APOL3: variants seen among roughly 807,000 people sequenced by gnomAD.
APOL3 encodes the protein apolipoprotein L3.
Under a neutral mutation model 11.6 loss-of-function variants are expected in APOL3, and 14 were observed. The observed-to-expected ratio is 1.21, with a 90% CI of 0.80 to 1.89. The LOEUF is 1.89. Ranked by LOEUF, APOL3 falls within the 40% of genes most tolerant of loss-of-function variation. The probability of loss-of-function intolerance (pLI) is 0.00; values close to 1 mark genes in which losing one functional copy is unlikely to be tolerated. For synonymous variants in APOL3, 192 were observed against 190.6 expected, an observed-to-expected ratio of 1.01 and a Z score of -0.06; for missense variants, 483 against 492.1, an observed-to-expected ratio of 0.98 and a Z score of 0.17.
chr22:36,163,971 G>A (rs1224564604), upstream of APOL3, among the ~76,000 whole-genome samples: 2 of 152,164 alleles, frequency 1.3e-5, no homozygotes, highest in African/African-American at 2.4e-5. Context: ...GATTGTTATA[G>A]TTATTCTCAT....
chr22:36,154,578 C>T (rs1355193488), intron 1 of APOL3: 2 of 469,968 alleles, frequency 4.3e-6, no homozygotes, highest in South Asian at 3.1e-5. Flanking sequence ...GAAGAGCTGC[C>T]ACAGACATTT....
At chr22:36,143,404 T>C (rs2060074719) in intron 2 of APOL3, among the ~76,000 whole-genome samples, 1 of 152,234 alleles carries the variant, frequency 6.6e-6, no homozygotes, top group Non-Finnish European at 1.5e-5. Flanking sequence ...GTTACGTAAG[T>C]CTTTGTAGTG....
chr22:36,154,717 A>G, intron 1 of APOL3: 1 of 459,128 alleles, frequency 2.2e-6, no homozygotes, highest in East Asian at 7.1e-5. Context: ...ATTAGACTTC[A>G]TAATACTGTC....
intron 1 of APOL3, among the ~76,000 whole-genome samples, chr22:36,155,541 G>A (rs1260035260): frequency 6.6e-6 from 1 of 152,010 alleles, no homozygotes; most frequent in African/African-American, 2.4e-5. Context: ...GGGGTTTCTG[G>A]GTGCTTCTTG....
chr22:36,157,683 T>C (rs2013118593), intron 1 of APOL3, among the ~76,000 whole-genome samples: 1 of 152,178 alleles, frequency 6.6e-6, no homozygotes, highest in South Asian at 2.1e-4. Context: ...CGGTTTGCAA[T>C]ACTTAAAGCA....
chr22:36,152,498 G>A (rs893943049), intron 1 of APOL3, among the ~76,000 whole-genome samples: 2 of 152,212 alleles, frequency 1.3e-5, no homozygotes, highest in African/African-American at 4.8e-5. Flanking sequence ...AACACTGAAG[G>A]AAGGAGGGGG....
At chr22:36,141,115 C>G in exon 3 of APOL3, 1 of 1,530,938 alleles carries the variant, frequency 6.5e-7, no homozygotes, top group Non-Finnish European at 8.8e-7. Context: ...TTTACCTTGC[C>G]CTCTTTATCC....
At chr22:36,153,044 G>A (rs912932554) in intron 1 of APOL3, among the ~76,000 whole-genome samples, 1 of 152,100 alleles carries the variant, frequency 6.6e-6, no homozygotes, top group South Asian at 2.1e-4. Flanking sequence ...CCAGGAGGTG[G>A]AGTTTGTGGT....
At chr22:36,164,110 A>G (rs1342053129), upstream of APOL3, among the ~76,000 whole-genome samples, 2 of 152,178 alleles carry the variant, frequency 1.3e-5, no homozygotes, top group Non-Finnish European at 2.9e-5. Context: ...CATTTCTCCT[A>G]ATGTTTTTTT....
chr22:36,143,908 T>C (rs2060092238), intron 2 of APOL3, among the ~76,000 whole-genome samples: 2 of 152,234 alleles, frequency 1.3e-5, no homozygotes, highest in Non-Finnish European at 1.5e-5. Context: ...TTGGACAAGA[T>C]GATAGAGAAA....
intron 1 of APOL3, among the ~76,000 whole-genome samples, chr22:36,155,303 C>G (rs974442018): frequency 1.3e-5 from 2 of 152,214 alleles, no homozygotes; most frequent in Non-Finnish European, 2.9e-5. Context: ...AGCCGCTGGT[C>G]TTTGCTCCCA....
In APOL3 at chr22:36,149,043, T is replaced by C; in HGVS notation, c.224-3444A>G. On this transcript the variant is annotated intron_variant, in intron 1 of 2. Coordinates refer to ENST00000349314, the Ensembl canonical transcript of APOL3. ...GCCAGGGAAGAGGAAGAAGCAAGCC[T>C]ACCTGAGTCCATGGTGCCAGCAGCC... The C allele has an allele frequency of 1.5e-6, 2 of 1,368,526 alleles. No individual in the cohort carries two copies. The highest frequency in any genetic ancestry group is 2.0e-6 in the Non-Finnish European group (2 of 1,021,984). 84.8% of individuals were successfully genotyped at this position (1,368,526 alleles called of 1,614,324 possible). A position where few individuals can be genotyped will look rare whatever the true frequency, so the allele number is the denominator to read the frequency against.
intron 2 of APOL3, among the ~76,000 whole-genome samples, chr22:36,144,626 C>T (rs966472564): frequency 5.9e-5 from 9 of 152,138 alleles, no homozygotes; most frequent in African/African-American, 2.2e-4. Context: ...AAGAAAAGGG[C>T]CCCGGACAGC....
At chr22:36,141,384 G>C (rs144755172) in exon 3 of APOL3, 3 of 1,614,026 alleles carry the variant, frequency 1.9e-6, no homozygotes, top group African/African-American at 2.7e-5. Flanking sequence ...TGAAGTGGTC[G>C]CACTCAGGAT....
intron 1 of APOL3, among the ~76,000 whole-genome samples, chr22:36,157,526 C>A (rs1181898674): frequency 6.6e-6 from 1 of 152,170 alleles, no homozygotes; most frequent in Non-Finnish European, 1.5e-5. Flanking sequence ...ATGTTAAAAA[C>A]AATGTTGAGT....
At chr22:36,141,448 GACC>G (rs1243717108) in exon 3 of APOL3, 1 of 1,614,030 alleles carries the variant, frequency 6.2e-7, no homozygotes, top group African/African-American at 1.3e-5. Context: ...CTCTCTGCTT[GACC>G]ACCACTTCCA....
chr22:36,150,016 G>T, intron 1 of APOL3: 1 of 413,526 alleles, frequency 2.4e-6, no homozygotes, highest in South Asian at 1.8e-5. Context: ...TTGCTTTGTT[G>T]CCCAGAGCTG....
upstream of APOL3, among the ~76,000 whole-genome samples, chr22:36,163,003 C>A (rs2146914407): frequency 6.6e-6 from 1 of 152,280 alleles, no homozygotes; most frequent in African/African-American, 2.4e-5. Flanking sequence ...GGGGGTATAT[C>A]CCCCAACATG....
intron 1 of APOL3, among the ~76,000 whole-genome samples, chr22:36,151,273 G>C (rs1337335882): frequency 6.6e-6 from 1 of 152,118 alleles, no homozygotes; most frequent in Admixed American, 6.5e-5. Context: ...AATATGAATA[G>C]ATCTAGGATC....
Sources: allele counts gnomAD v4.1 joint callset (sites outside exome capture counted in the v4.1 genomes callset), GRCh38; gene constraint gnomAD v4.1.1; transcripts MANE v1.5; gene names NCBI Gene and HGNC (gene_info 2026-07-23, HGNC 2026-07-21).